ARCN1: variants seen among roughly 807,000 people sequenced by gnomAD.
The protein encoded by ARCN1 is coatomer subunit delta.
A neutral mutation model predicts 60.4 loss-of-function variants in ARCN1; 5 were observed. That is an observed-to-expected ratio of 0.08 (90% CI 0.04 to 0.17). ARCN1 has a LOEUF of 0.17. Ranked by LOEUF, ARCN1 falls within the 10% of genes least tolerant of loss-of-function variation. ARCN1 has a pLI of 1.00. For missense variants in ARCN1, 464 were observed against 626.5 expected, an observed-to-expected ratio of 0.74 and a Z score of 2.77; for synonymous variants, 224 against 220.0, an observed-to-expected ratio of 1.02 and a Z score of -0.16.
At chr11:118,577,833 C>A (rs1398159115) in intron 1 of ARCN1, among the ~76,000 whole-genome samples, 1 of 152,046 alleles carries the variant, frequency 6.6e-6, no homozygotes, top group East Asian at 1.9e-4. Flanking sequence ...ATTACCAGTA[C>A]CTATAATTAG....
At chr11:118,596,052 G>A (rs1470510470) in intron 8 of ARCN1, among the ~76,000 whole-genome samples, 3 of 151,444 alleles carry the variant, frequency 2.0e-5, no homozygotes, top group Non-Finnish European at 4.4e-5. Flanking sequence ...GGGTGACAGA[G>A]CGAGATTCCG....
intron 1 of ARCN1, among the ~76,000 whole-genome samples, chr11:118,574,658 G>T (rs1227982124): frequency 1.3e-5 from 2 of 152,050 alleles, no homozygotes; most frequent in African/African-American, 4.8e-5. Flanking sequence ...GAATGTCCTA[G>T]ACTGCAAAGT....
intron 3 of ARCN1, 116 bp downstream of exon 3, chr11:118,583,474 C>A: frequency 7.9e-7 from 1 of 1,259,866 alleles, no homozygotes; most frequent in Non-Finnish European, 1.1e-6. Flanking sequence ...TATGTCCAGG[C>A]TAGGCACAGT....
At position 118,601,695 on chromosome 11, in the gene ARCN1, T is replaced by C; in HGVS notation, c.*981T>C. ...TCATTCCTTCATCTCTTTGCCAAGT[T>C]GTTTTCCTTTCAGGGCCTGTCCTTC... On this transcript the variant is annotated 3_prime_UTR_variant, in exon 10 of 10. Transcript: ENST00000264028. The C allele has an allele frequency of 1.4e-6, 1 of 703,042 alleles. No homozygotes were observed. The highest frequency in any genetic ancestry group is 2.6e-6 in the Non-Finnish European group (1 of 385,000). The allele number at this position is 703,042 out of a possible 1,614,324, so 43.6% of individuals were successfully genotyped here.
In ARCN1 at chr11:118,573,629, T is replaced by C. The variant is rs1938410377; in HGVS notation, c.3+1079T>C. On this transcript the variant is annotated intron_variant, in intron 1 of 9. Coordinates refer to ENST00000264028, the MANE Select transcript of ARCN1 (RefSeq NM_001655.5). ...ATTCTTTTGTCAATAGATAACTTGA[T>C]TTAAAACATCGTCCAGTGTACCTGA... 5.7e-6 allele frequency: 4 copies of C among 700,316 alleles called. No homozygotes were observed. The South Asian group carries it at 6.0e-5, about 10-fold the overall frequency. The allele number at this position is 700,316 out of a possible 1,614,324, so 43.4% of individuals were successfully genotyped here. A position where few individuals can be genotyped will look rare whatever the true frequency, so the allele number is the denominator to read the frequency against.
intron 5 of ARCN1, among the ~76,000 whole-genome samples, chr11:118,588,067 C>T (rs1001564768): frequency 6.6e-6 from 1 of 152,234 alleles, no homozygotes; most frequent in Non-Finnish European, 1.5e-5. Flanking sequence ...GTTCATCTTC[C>T]TGTAAGCCTG....
intron 1 of ARCN1, among the ~76,000 whole-genome samples, chr11:118,575,440 T>C (rs1482216295): frequency 1.5e-5 from 2 of 134,410 alleles, no homozygotes; most frequent in Non-Finnish European, 1.6e-5. Context: ...GTGTGTGTTT[T>C]AATTCTCTGC....
At chr11:118,588,801 T>A (rs1471674202) in intron 5 of ARCN1, among the ~76,000 whole-genome samples, 2 of 152,152 alleles carry the variant, frequency 1.3e-5, no homozygotes, top group Non-Finnish European at 2.9e-5. Context: ...GCAGATCACC[T>A]GAGGTCAGGA....
chr11:118,572,469 C>T lies in ARCN1; in HGVS notation c.-79C>T. The T allele has an allele frequency of 7.9e-6, 12 of 1,527,562 alleles. No homozygotes were observed. Among genetic ancestry groups the T allele is most frequent in the Non-Finnish European group, 9.9e-6 (11 of 1,116,556 alleles). 94.6% of individuals were successfully genotyped at this position (1,527,562 alleles called of 1,614,324 possible). A position where few individuals can be genotyped will look rare whatever the true frequency, so the allele number is the denominator to read the frequency against. ...CAAGGGGGCAGCAGGTCCAGAGCTG[C>T]TGGTGCTCCCGTTCCCCAGACCCTA... On this transcript the variant is annotated 5_prime_UTR_variant, in exon 1 of 10. Coordinates refer to ENST00000264028, the MANE Select transcript of ARCN1 (RefSeq NM_001655.5).
chr11:118,585,664 C>G (rs1938762447), intron 5 of ARCN1, among the ~76,000 whole-genome samples: 1 of 152,106 alleles, frequency 6.6e-6, no homozygotes, highest in African/African-American at 2.4e-5. Context: ...CTCAGCCTCC[C>G]AAGTAGCTGG....
At chr11:118,584,900 G>A (rs570273692) in intron 5 of ARCN1, among the ~76,000 whole-genome samples, 16 of 151,522 alleles carry the variant, frequency 1.1e-4, no homozygotes, top group Admixed American at 5.9e-4. Flanking sequence ...ATCTCGGCTC[G>A]CTGCAAGCTC....
At chr11:118,597,680 C>A in intron 8 of ARCN1, 27 bp from the exon 9 acceptor site, 2 of 1,611,754 alleles carry the variant, frequency 1.2e-6, no homozygotes, top group African/African-American at 1.3e-5. Context: ...TGAACAGCTA[C>A]CTTGACCAGA....
chr11:118,577,252 CTT>C (rs542792348), intron 1 of ARCN1, among the ~76,000 whole-genome samples: 42 of 145,450 alleles, frequency 2.9e-4, no homozygotes, highest in Admixed American at 1.4e-3. Context: ...TTCTTTCTTT[CTT>C]TTTTTTTTTT....
chr11:118,580,722 C>T (rs1212573219), intron 1 of ARCN1, among the ~76,000 whole-genome samples: 1 of 152,078 alleles, frequency 6.6e-6, no homozygotes, highest in Admixed American at 6.6e-5. Context: ...GGGGTTTCAC[C>T]ATGTTGGTCA....
intron 1 of ARCN1, among the ~76,000 whole-genome samples, chr11:118,578,678 A>G (rs1284799697): frequency 6.6e-6 from 1 of 152,026 alleles, no homozygotes; most frequent in African/African-American, 2.4e-5. Context: ...ATTCCCTGAA[A>G]CTGTATGTAA....
At position 118,600,816 on chromosome 11, in the gene ARCN1, C is replaced by T; in HGVS notation, c.*102C>T. On this transcript the variant is annotated 3_prime_UTR_variant, in exon 10 of 10. Coordinates refer to ENST00000264028, the MANE Select transcript of ARCN1 (RefSeq NM_001655.5). ...CCAGATTTACAAGCCACTGGAGACC[C>T]CTTTTTTCTGATACAATGCACGATT... The T allele has an allele frequency of 1.3e-6, 1 of 785,994 alleles. No homozygotes were observed. The highest frequency in any genetic ancestry group is 2.1e-6 in the Non-Finnish European group (1 of 482,504). The allele number at this position is 785,994 out of a possible 1,614,324, so 48.7% of individuals were successfully genotyped here. A position where few individuals can be genotyped will look rare whatever the true frequency, so the allele number is the denominator to read the frequency against.
chr11:118,592,954 C>G (rs930431241), intron 7 of ARCN1, 98 bp downstream of exon 7: 18 of 1,244,926 alleles, frequency 1.4e-5, no homozygotes, highest in Non-Finnish European at 2.0e-5. Flanking sequence ...TAGCAAAGTT[C>G]TTTCTGACAA....
At chr11:118,576,324 G>C (rs1938501489) in intron 1 of ARCN1, among the ~76,000 whole-genome samples, 1 of 147,392 alleles carries the variant, frequency 6.8e-6, no homozygotes, top group African/African-American at 2.5e-5. Context: ...AACCGTCCTG[G>C]AGAGATCATC....
chr11:118,578,805 G>A lies in ARCN1; in HGVS notation c.4-2441G>A, dbSNP rs188990681. Among the ~76,000 whole-genome samples, 350 of 150,838 alleles carry A rather than the reference G, an allele frequency of 2.3e-3. 2 individuals carry two copies. The highest frequency in any genetic ancestry group is 4.1e-3 in the Admixed American group (62 of 15,130). On this transcript the variant is annotated intron_variant, in intron 1 of 9. Coordinates refer to ENST00000264028, the MANE Select transcript of ARCN1 (RefSeq NM_001655.5). ...CACTTGTAATCCCAGCACTTTGGGA[G>A]GCTGAGGTGTGCGGATCACTTTAGC...
Sources: allele counts gnomAD v4.1 joint callset (sites outside exome capture counted in the v4.1 genomes callset), GRCh38; gene constraint gnomAD v4.1.1; transcripts MANE v1.5; gene names NCBI Gene and HGNC (gene_info 2026-07-23, HGNC 2026-07-21).